The following GBE1 variants were observed in gnomAD, a reference collection of about 807,000 sequenced individuals.
The protein encoded by GBE1 is 1,4-alpha-glucan branching enzyme 1.
A neutral mutation model predicts 88.8 loss-of-function variants in GBE1; 70 were observed. The observed-to-expected ratio is 0.79, with a 90% confidence interval of 0.65 to 0.96. GBE1 has a LOEUF of 0.96. GBE1 is among the 40% of genes least tolerant of loss of function. The pLI, the probability that GBE1 is intolerant of heterozygous loss-of-function variation, is 0.00. For missense variants in GBE1, 872 were observed against 871.0 expected, an observed-to-expected ratio of 1.00 and a Z score of -0.01; for synonymous variants, 284 against 300.1, an observed-to-expected ratio of 0.95 and a Z score of 0.56.
rs567472648 is a variant in GBE1, at chr3:81,504,828, G to C, written c.1935-5601C>G. ...GCACTTGATAAAGTGTCTGTTCAAA[G>C]TATAAGGATTTTGATGTAAGAAGTA... On this transcript the variant is annotated intron_variant, in intron 14 of 15. Transcript: ENST00000429644. Among the ~76,000 whole-genome samples the C allele has an allele frequency of 9.2e-5, 14 of 152,276 alleles. No homozygotes were observed. The South Asian group carries it at 2.7e-3, about 29-fold the overall frequency.
intron 1 of GBE1, among the ~76,000 whole-genome samples, chr3:81,711,805 G>A (rs1272891472): frequency 6.6e-6 from 1 of 152,080 alleles, no homozygotes; most frequent in Non-Finnish European, 1.5e-5. Flanking sequence ...ATCGACAAAT[G>A]GGATCTAATT....
chr3:81,662,566 C>G (rs1705046068), intron 3 of GBE1, among the ~76,000 whole-genome samples: 1 of 151,596 alleles, frequency 6.6e-6, no homozygotes, highest in African/African-American at 2.4e-5. Flanking sequence ...AGCCTCTGAT[C>G]TTACCCTGTT....
intron 1 of GBE1, 105 bp downstream of exon 1, chr3:81,761,270 G>A (rs1706679862): frequency 1.4e-6 from 2 of 1,418,764 alleles, no homozygotes; most frequent in Non-Finnish European, 9.5e-7. Flanking sequence ...CTCCCCGCCT[G>A]GGGCGGGGTT....
chr3:81,725,517 T>G (rs3107240), intron 1 of GBE1, among the ~76,000 whole-genome samples: 1 of 151,928 alleles, frequency 6.6e-6, no homozygotes, highest in South Asian at 2.1e-4. Flanking sequence ...TTATAGTTAA[T>G]TAATTTTTTA....
chr3:81,623,188 T>C (rs1704355980), intron 7 of GBE1, among the ~76,000 whole-genome samples: 1 of 152,190 alleles, frequency 6.6e-6, no homozygotes, highest in African/African-American at 2.4e-5. Context: ...CCAAACTCTC[T>C]GGAGTCTCCT....
intron 4 of GBE1, 55 bp from the exon 5 acceptor site, chr3:81,649,046 A>C (rs1450971494): frequency 4.3e-6 from 5 of 1,173,990 alleles, no homozygotes; most frequent in Non-Finnish European, 5.9e-6. Context: ...GTATGACACT[A>C]CCTGATCAAG....
chr3:81,522,541 G>GC (rs372212424), intron 14 of GBE1, among the ~76,000 whole-genome samples: 80 of 150,252 alleles, frequency 5.3e-4, no homozygotes, highest in Admixed American at 1.8e-3. Context: ...CTCCCTTCCT[G>GC]CCCCCCCCAA....
intron 1 of GBE1, among the ~76,000 whole-genome samples, chr3:81,758,727 C>G (rs1575781042): frequency 6.6e-6 from 1 of 152,200 alleles, no homozygotes; most frequent in East Asian, 1.9e-4. Flanking sequence ...TGGAGGTGGT[C>G]AGTCATGCTA....
At chr3:81,650,749 C>T (rs1011678368) in intron 3 of GBE1, among the ~76,000 whole-genome samples, 9 of 152,208 alleles carry the variant, frequency 5.9e-5, no homozygotes, top group African/African-American at 2.2e-4. Flanking sequence ...ACTGCAGCCT[C>T]AACCTCACAG....
At chr3:81,496,473 T>C (rs1259295803) in intron 15 of GBE1, among the ~76,000 whole-genome samples, 1 of 152,196 alleles carries the variant, frequency 6.6e-6, no homozygotes. Context: ...GCAAATGCTG[T>C]GTACTAGTTA....
At chr3:81,543,041 G>C (rs1703161624) in intron 12 of GBE1, among the ~76,000 whole-genome samples, 1 of 151,806 alleles carries the variant, frequency 6.6e-6, no homozygotes, top group African/African-American at 2.4e-5. Flanking sequence ...TCTTTTTAAA[G>C]TATAAATTCA....
intron 1 of GBE1, 130 bp downstream of exon 1, chr3:81,761,245 C>T: frequency 8.1e-7 from 1 of 1,234,330 alleles, no homozygotes; most frequent in Non-Finnish European, 1.1e-6. Context: ...CCCCGAGCCC[C>T]GCCCACTCAG....
At chr3:81,541,461 C>T (rs547874531) in intron 12 of GBE1, among the ~76,000 whole-genome samples, 1 of 151,338 alleles carries the variant, frequency 6.6e-6, no homozygotes, top group Non-Finnish European at 1.5e-5. Flanking sequence ...CCCCCCCCGC[C>T]ACCTCGCCCA....
intron 14 of GBE1, among the ~76,000 whole-genome samples, chr3:81,504,441 T>C (rs187644498): frequency 2.1e-3 from 317 of 152,194 alleles, no homozygotes; most frequent in African/African-American, 7.4e-3. Flanking sequence ...AAACACTGGA[T>C]CATAAAATTT....
chr3:81,564,926 C>T (rs1277028682), intron 12 of GBE1, among the ~76,000 whole-genome samples: 1 of 152,144 alleles, frequency 6.6e-6, no homozygotes, highest in African/African-American at 2.4e-5. Flanking sequence ...CAGAGCCTTA[C>T]ACTCAGCGAT....
At chr3:81,576,766 T>TC (rs1314900218) in intron 12 of GBE1, among the ~76,000 whole-genome samples, 6,038 of 151,846 alleles carry the variant, frequency 0.04, 402 homozygotes, top group African/African-American at 0.14. Context: ...GTCAACAAAT[T>TC]TCAGTGACCC....
chr3:81,733,407 A>C lies in GBE1; in HGVS notation c.144-27794T>G, dbSNP rs1383226517. Among the ~76,000 whole-genome samples, 2 of 151,918 alleles carry C rather than the reference A, an allele frequency of 1.3e-5. No homozygotes were observed. The highest frequency in any genetic ancestry group is 2.1e-4 in the South Asian group (1 of 4,812). On this transcript the variant is annotated intron_variant, in intron 1 of 15. Coordinates refer to ENST00000429644, the MANE Select transcript of GBE1 (RefSeq NM_000158.4). The surrounding 1 kb of genome is among the most constrained non-coding windows in gnomAD (Gnocchi z 4.0). ...GTAATAAAATAGAAATAAAGTGCAC[A>C]AAAAAAATGTAATGCACTTGAATCA...
At chr3:81,694,515 T>C (rs1000746617) in intron 2 of GBE1, among the ~76,000 whole-genome samples, 5 of 152,134 alleles carry the variant, frequency 3.3e-5, no homozygotes, top group Non-Finnish European at 4.4e-5. Flanking sequence ...CCCGCCTCCT[T>C]CTACTCTCCA....
chr3:81,538,428 A>G (rs1703102837), intron 12 of GBE1, among the ~76,000 whole-genome samples: 1 of 152,028 alleles, frequency 6.6e-6, no homozygotes, highest in South Asian at 2.1e-4. Flanking sequence ...ATAAGTGTCT[A>G]CAAACATTTT....
Sources: allele counts gnomAD v4.1 joint callset (sites outside exome capture counted in the v4.1 genomes callset), GRCh38; gene constraint gnomAD v4.1.1; non-coding constraint Gnocchi (gnomAD v3.1); transcripts MANE v1.5; gene names NCBI Gene and HGNC (gene_info 2026-07-23, HGNC 2026-07-21).